Variants in PUM3 observed in about 807,000 individuals in gnomAD.
The protein encoded by PUM3 is pumilio RNA binding family member 3, also known as pumilio homolog 3.
A neutral mutation model predicts 84.0 loss-of-function variants in PUM3; 91 were observed. That is an observed-to-expected ratio of 1.08 (90% CI 0.91 to 1.29). The LOEUF is 1.29. Among genes scored for constraint, PUM3 ranks in the 50% most tolerant of loss-of-function variants. The probability of loss-of-function intolerance (pLI) is 0.00; values close to 1 mark genes in which losing one functional copy is unlikely to be tolerated. For missense variants in PUM3, 1,067 were observed against 767.5 expected (o/e 1.39, Z -4.61); for synonymous variants, 321 against 266.7 (o/e 1.20, Z -1.98).
intron 17 of PUM3, 39 bp from the exon 18 acceptor site, chr9:2,804,502 T>C (rs1286447546): frequency 1.3e-6 from 2 of 1,593,422 alleles, no homozygotes; most frequent in East Asian, 2.2e-5. Flanking sequence ...TAAGCATTCC[T>C]AGATCATCTC....
At chr9:2,804,516 T>C (rs530046396) in intron 17 of PUM3, 53 bp from the exon 18 acceptor site, 2 of 1,527,854 alleles carry the variant, frequency 1.3e-6, no homozygotes, top group Admixed American at 1.9e-5. Flanking sequence ...TCATCTCCAA[T>C]ACTACCTGTA....
intron 12 of PUM3, among the ~76,000 whole-genome samples, chr9:2,823,458 G>C (rs937867006): frequency 6.6e-6 from 1 of 151,970 alleles, no homozygotes; most frequent in African/African-American, 2.4e-5. Context: ...CTGTATCCAG[G>C]CAGTAATTCC....
At chr9:2,834,537 T>C (rs1816069738) in intron 3 of PUM3, among the ~76,000 whole-genome samples, 1 of 152,182 alleles carries the variant, frequency 6.6e-6, no homozygotes, top group Non-Finnish European at 1.5e-5. Context: ...AAAACAAAAA[T>C]TAGTCCAAAT....
At chr9:2,823,916 T>A in intron 11 of PUM3, 82 bp from the exon 12 acceptor site, 1 of 680,298 alleles carries the variant, frequency 1.5e-6, no homozygotes, top group South Asian at 2.3e-5. Context: ...ATATAATATT[T>A]ATTAAGTTTT....
Position 2,837,212 on chromosome 9 carries a change from T to C in PUM3, c.272A>G (p.Lys91Arg), listed in dbSNP as rs1816147785. The change falls in exon 3 of 18, where the codon AAG (lysine) becomes AGG (arginine). Residue 91 changes from lysine to arginine, a missense_variant. By Grantham distance (26) the Lys-to-Arg change is conservative. Coordinates refer to ENST00000397885, the MANE Select transcript of PUM3 (RefSeq NM_014878.5). ...KFQPANKFNK[K>R]RKFQPDGRSD... Reference sequence around the variant, plus strand: ...TCTACCATCTGGCTGGAATTTTCTCTTCTTGTTGAATTTATTTGCCGGCTG... The same window carrying C: ...TCTACCATCTGGCTGGAATTTTCTCCTCTTGTTGAATTTATTTGCCGGCTG... 6.2e-7 allele frequency: 1 copy of C among 1,614,138 alleles called. No individual in the cohort carries two copies. Among genetic ancestry groups the C allele is most frequent in the Non-Finnish European group, 8.5e-7 (1 of 1,179,974 alleles).
At chr9:2,829,389 A>T (rs1007413659) in intron 8 of PUM3, among the ~76,000 whole-genome samples, 5 of 152,214 alleles carry the variant, frequency 3.3e-5, no homozygotes, top group Non-Finnish European at 5.9e-5. Flanking sequence ...ACATGAAAAA[A>T]CACAGGAGAA....
chr9:2,817,849 A>G (rs1327517474), intron 13 of PUM3, among the ~76,000 whole-genome samples: 1 of 152,200 alleles, frequency 6.6e-6, no homozygotes, highest in Non-Finnish European at 1.5e-5. Context: ...AAAAATATGC[A>G]TCAATATTTA....
In PUM3 at chr9:2,839,834, C is replaced by G. The variant is rs753075953; in HGVS notation, c.-10-1317G>C. ...TACATGTTTTCTCTGTATGTTTGTT[C>G]TAATTTTTATATTGAAATAATTTTA... On this transcript the variant is annotated intron_variant, in intron 1 of 17. Transcript: ENST00000397885. Among the ~76,000 whole-genome samples, 72 of 152,224 alleles carry G rather than the reference C, an allele frequency of 4.7e-4. 1 individual carries two copies. In the Middle Eastern group the frequency reaches 0.014, roughly 29 times the overall value.
chr9:2,833,655 C>G (rs978331898), intron 4 of PUM3, among the ~76,000 whole-genome samples: 1 of 151,248 alleles, frequency 6.6e-6, no homozygotes, highest in Non-Finnish European at 1.5e-5. Context: ...AGGTATCAAT[C>G]CAAATCTTAA....
chr9:2,814,142 A>C (rs1433476717), intron 13 of PUM3, among the ~76,000 whole-genome samples: 1 of 152,292 alleles, frequency 6.6e-6, no homozygotes, highest in Non-Finnish European at 1.5e-5. Flanking sequence ...AAAACACACA[A>C]AAAGCATACA....
At chr9:2,814,717 CA>C (rs1177634518) in intron 13 of PUM3, among the ~76,000 whole-genome samples, 8 of 151,868 alleles carry the variant, frequency 5.3e-5, no homozygotes, top group Non-Finnish European at 8.8e-5. Context: ...GTTTAAAAAA[CA>C]AAAACAAAAA....
intron 12 of PUM3, among the ~76,000 whole-genome samples, chr9:2,822,391 C>A (rs371511589): frequency 6.6e-6 from 1 of 151,928 alleles, no homozygotes; most frequent in East Asian, 1.9e-4. Context: ...AGAATATATC[C>A]AGAAACCCCC....
chr9:2,843,177 T>C (rs1288547406), intron 1 of PUM3, among the ~76,000 whole-genome samples: 2 of 152,210 alleles, frequency 1.3e-5, no homozygotes, highest in African/African-American at 4.8e-5. Context: ...AAAAAAAAAT[T>C]CCCCATCATG....
chr9:2,842,354 A>G (rs1816287406), intron 1 of PUM3, among the ~76,000 whole-genome samples: 2 of 152,118 alleles, frequency 1.3e-5, no homozygotes, highest in South Asian at 4.1e-4. Flanking sequence ...CCATGCTCCA[A>G]TAGCTTCAAA....
chr9:2,825,007 G>A (rs1815773130), intron 10 of PUM3, among the ~76,000 whole-genome samples, 192 bp from the exon 11 acceptor site: 1 of 152,152 alleles, frequency 6.6e-6, no homozygotes, highest in Non-Finnish European at 1.5e-5. Flanking sequence ...TTTCCATCAA[G>A]AGCAGTAAAT....
In PUM3 at chr9:2,829,941, G is replaced by A; in HGVS notation, c.685C>T (p.Pro229Ser). Residue 229 changes from proline to serine, a missense_variant, in exon 8 of 18, where the codon CCA becomes TCA. Physicochemically the swap from Pro to Ser is moderately conservative, Grantham distance 74. Coordinates refer to ENST00000397885, the MANE Select transcript of PUM3 (RefSeq NM_014878.5). ...VKKFLMYGSK[P>S]QIAEIIRSFK... ...CTTCTGATTATCTCTGCAATCTGTG[G>A]TTTACTTCTAAACGCAACACAATCA... 3.1e-6 allele frequency: 5 copies of A among 1,610,398 alleles called. No individual in the cohort carries two copies. The highest frequency in any genetic ancestry group is 4.2e-6 in the Non-Finnish European group (5 of 1,177,414).
At chr9:2,822,400 C>T (rs546805527) in intron 12 of PUM3, among the ~76,000 whole-genome samples, 2 of 151,954 alleles carry the variant, frequency 1.3e-5, no homozygotes, top group Admixed American at 1.3e-4. Context: ...CCAGAAACCC[C>T]CAATATTTGG....
intron 11 of PUM3, 150 bp from the exon 12 acceptor site, chr9:2,823,984 A>G: frequency 2.0e-6 from 1 of 496,178 alleles, no homozygotes. Flanking sequence ...CCAGAACAAA[A>G]AAACTGTAAT....
chr9:2,817,478 G>A (rs1447690754), intron 13 of PUM3, among the ~76,000 whole-genome samples: 1 of 152,148 alleles, frequency 6.6e-6, no homozygotes, highest in Non-Finnish European at 1.5e-5. Context: ...TTATAAAAAG[G>A]CTTGCTGACC....
Sources: gnomAD v4.1 joint callset for allele counts (sites outside exome capture counted in the v4.1 genomes callset) on GRCh38, gnomAD v4.1.1 for gene constraint, MANE v1.5 for transcripts, NCBI Gene and HGNC (gene_info 2026-07-23, HGNC 2026-07-21) for gene names.